Variants in PLCB4 observed in about 807,000 individuals in gnomAD.
The protein encoded by PLCB4 is 1-phosphatidylinositol 4,5-bisphosphate phosphodiesterase beta-4.
A neutral mutation model predicts 178.8 loss-of-function variants in PLCB4; 77 were observed. That is an observed-to-expected ratio of 0.43 (90% confidence interval 0.36 to 0.52). The LOEUF (loss-of-function observed/expected upper bound fraction) is 0.52. Ranked by LOEUF, PLCB4 falls within the 20% of genes least tolerant of loss-of-function variation. PLCB4 has a pLI of 0.00. For missense variants in PLCB4, 1,024 were observed against 1,453.4 expected (o/e 0.70, Z 4.80); for synonymous variants, 496 against 490.8 (o/e 1.01, Z -0.14).
intron 29 of PLCB4, 32 bp from the exon 30 acceptor site, chr20:9,436,970 C>G: frequency 2.5e-6 from 4 of 1,606,928 alleles, no homozygotes; most frequent in Non-Finnish European, 3.4e-6. Flanking sequence ...GAGTGACATT[C>G]ATTTGGGTCA....
In PLCB4 at chr20:9,171,726, A is replaced by G. The variant is rs544535229; in HGVS notation, c.-78-45664A>G. Among the ~76,000 whole-genome samples, 5 of 152,304 alleles carry G rather than the reference A, an allele frequency of 3.3e-5. No homozygotes were observed. In the South Asian group the frequency reaches 6.2e-4, roughly 19 times the overall value. ...ACAGTATCTGAGACTTCTACTTTGA[A>G]TATTTCATCTGATGATGTAATTGGA... On this transcript the variant is annotated intron_variant, in intron 2 of 39. Coordinates refer to ENST00000378473, the MANE Select transcript of PLCB4 (RefSeq NM_001377142.1).
chr20:9,077,602 A>G (rs1458758060), intron 1 of PLCB4, among the ~76,000 whole-genome samples: 1 of 152,242 alleles, frequency 6.6e-6, no homozygotes, highest in Non-Finnish European at 1.5e-5. Context: ...GGGCTAATGT[A>G]AAAACTCTTT....
intron 2 of PLCB4, among the ~76,000 whole-genome samples, chr20:9,208,268 T>A (rs559907765): frequency 1.9e-4 from 29 of 152,352 alleles, no homozygotes; most frequent in Middle Eastern, 6.8e-3. Flanking sequence ...TGTGCCTCAG[T>A]CTGCTCATCT....
At chr20:9,408,493 G>C in intron 22 of PLCB4, 140 bp from the exon 23 acceptor site, 1 of 439,380 alleles carries the variant, frequency 2.3e-6, no homozygotes, top group Non-Finnish European at 3.8e-6. Flanking sequence ...GTCAATGAAA[G>C]TAGGAGCTAC....
chr20:9,100,079 CT>C (rs2091083360), intron 2 of PLCB4, among the ~76,000 whole-genome samples: 3 of 152,170 alleles, frequency 2.0e-5, no homozygotes, highest in Non-Finnish European at 4.4e-5. Context: ...ACTCATGGGA[CT>C]TCAGGTTTGT....
chr20:9,359,197 G>T (rs532638108), intron 7 of PLCB4, among the ~76,000 whole-genome samples: 1 of 152,222 alleles, frequency 6.6e-6, no homozygotes, highest in African/African-American at 2.4e-5. Context: ...GATTATTTTT[G>T]TCTATGTCAG....
intron 3 of PLCB4, among the ~76,000 whole-genome samples, chr20:9,247,589 G>C (rs916327003): frequency 6.6e-6 from 1 of 152,204 alleles, no homozygotes; most frequent in African/African-American, 2.4e-5. Context: ...TCCTTTCCCT[G>C]TTGGTACTAA....
intron 34 of PLCB4, among the ~76,000 whole-genome samples, chr20:9,457,852 G>A (rs555938520): frequency 4.3e-4 from 65 of 152,204 alleles, no homozygotes; most frequent in Non-Finnish European, 7.8e-4. Context: ...ACAGAAAACC[G>A]CCCAAATTGG....
intron 35 of PLCB4, among the ~76,000 whole-genome samples, chr20:9,461,264 TA>T (rs1383109583): frequency 6.6e-6 from 1 of 152,208 alleles, no homozygotes; most frequent in Admixed American, 6.5e-5. Context: ...TAAAATACTT[TA>T]AAAAATAAAT....
At chr20:9,317,218 A>G (rs1429490423) in intron 4 of PLCB4, among the ~76,000 whole-genome samples, 1 of 152,204 alleles carries the variant, frequency 6.6e-6, no homozygotes, top group African/African-American at 2.4e-5. Flanking sequence ...TTCTAGTTTC[A>G]AGTAATTATT....
intron 34 of PLCB4, among the ~76,000 whole-genome samples, chr20:9,458,848 A>T (rs796119376): frequency 6.6e-6 from 1 of 152,114 alleles, no homozygotes; most frequent in African/African-American, 2.4e-5. Flanking sequence ...GCAAAACCCC[A>T]CTGCAAAGAG....
At position 9,302,241 on chromosome 20, in the gene PLCB4, T is replaced by C. The variant is rs528917951; in HGVS notation, c.-15-5559T>C. ...GATAATTGCAATAAGAATGTAGTTA[T>C]AGGGTGGCCAGTTCCTCCCCTCTTT... On this transcript the variant is annotated intron_variant, in intron 3 of 39. Coordinates refer to ENST00000378473, the MANE Select transcript of PLCB4 (RefSeq NM_001377142.1). 3.9e-5 allele frequency among the ~76,000 whole-genome samples: 6 copies of C among 152,186 alleles called. No homozygotes were observed. In the South Asian group the frequency reaches 1.0e-3, roughly 26 times the overall value.
chr20:9,072,298 G>A (rs1170241853), intron 1 of PLCB4, among the ~76,000 whole-genome samples: 4 of 152,138 alleles, frequency 2.6e-5, no homozygotes, highest in East Asian at 1.9e-4. Context: ...ATAAACTTGT[G>A]TAGCTCTTTC....
At chr20:9,079,216 A>G (rs1461189593) in intron 1 of PLCB4, among the ~76,000 whole-genome samples, 3 of 152,228 alleles carry the variant, frequency 2.0e-5, no homozygotes, top group Non-Finnish European at 4.4e-5. Flanking sequence ...TTCAACCTGT[A>G]TCATTCAGGG....
rs6056394 is a variant in PLCB4, at chr20:9,084,113, G to C, written c.-134-12174G>C. On this transcript the variant is annotated intron_variant, in intron 1 of 39. Transcript: ENST00000378473. ...AAAAGGTGATTTTTTTCTTGAGTTG[G>C]TTTAGTTTAGAGAGTATTTGCTTTC... 2.4e-3 allele frequency among the ~76,000 whole-genome samples: 369 copies of C among 152,254 alleles called. 1 individual carries two copies. The highest frequency in any genetic ancestry group is 7.8e-3 in the African/African-American group (326 of 41,556).
chr20:9,141,446 A>G (rs148800003), intron 2 of PLCB4, among the ~76,000 whole-genome samples: 67 of 152,278 alleles, frequency 4.4e-4, no homozygotes, highest in African/African-American at 1.5e-3. Flanking sequence ...CCAGATGGGA[A>G]ACATAAAGAT....
In PLCB4 at chr20:9,307,854, C is replaced by T. The variant is rs771962715; in HGVS notation, c.40C>T (p.Pro14Ser). Residue 14 changes from proline to serine, a missense_variant, in exon 4 of 40, where the codon CCC becomes TCC. Physicochemically the swap from Pro to Ser is moderately conservative, Grantham distance 74. Coordinates refer to ENST00000378473, the MANE Select transcript of PLCB4 (RefSeq NM_001377142.1). ...TGAATTTAACTGGCAGAAGGAAGTTCCCTCCTTTTTGCAAGAAGGAGCAGT... is the reference window on the plus strand; with the variant it reads ...TGAATTTAACTGGCAGAAGGAAGTTTCCTCCTTTTTGCAAGAAGGAGCAGT... ...PYEFNWQKEV[P>S]SFLQEGAVFD... is the part of the protein sequence containing the mutation. 6.2e-7 allele frequency: 1 copy of T among 1,600,766 alleles called. No homozygotes were observed. Among genetic ancestry groups the T allele is most frequent in the East Asian group, 2.2e-5 (1 of 44,620 alleles).
intron 2 of PLCB4, among the ~76,000 whole-genome samples, chr20:9,186,225 T>A (rs1224964194): frequency 6.6e-6 from 1 of 152,238 alleles, no homozygotes; most frequent in Non-Finnish European, 1.5e-5. Context: ...AAAGCCATTC[T>A]TTTATGGTAT....
intron 4 of PLCB4, among the ~76,000 whole-genome samples, chr20:9,319,047 A>G (rs528804152): frequency 6.6e-6 from 1 of 152,310 alleles, no homozygotes; most frequent in Admixed American, 6.5e-5. Flanking sequence ...CCCTAAGGAC[A>G]TCCTGGTTTC....
Sources: gnomAD v4.1 joint callset for allele counts (sites outside exome capture counted in the v4.1 genomes callset) on GRCh38, gnomAD v4.1.1 for gene constraint, MANE v1.5 for transcripts, NCBI Gene and HGNC (gene_info 2026-07-23, HGNC 2026-07-21) for gene names.